LHFPL6: variants seen among roughly 807,000 people sequenced by gnomAD.
The protein encoded by LHFPL6 is LHFPL tetraspan subfamily member 6 protein.
A neutral mutation model predicts 20.6 loss-of-function variants in LHFPL6; 9 were observed. The ratio of observed to expected loss-of-function variants is 0.44; its 90% CI spans 0.26 to 0.76. LHFPL6 has a LOEUF of 0.76. LHFPL6 is among the 30% of genes least tolerant of loss of function. LHFPL6 has a pLI of 0.20. For synonymous variants in LHFPL6, 105 were observed against 98.7 expected, an observed-to-expected ratio of 1.06 and a Z score of -0.38; for missense variants, 218 against 253.5, an observed-to-expected ratio of 0.86 and a Z score of 0.95.
At chr13:39,457,495 G>A (rs1872598117) in intron 2 of LHFPL6, among the ~76,000 whole-genome samples, 1 of 152,208 alleles carries the variant, frequency 6.6e-6, no homozygotes, top group Non-Finnish European at 1.5e-5. Flanking sequence ...TGGAAAGGAT[G>A]TGGAGCAAGT....
chr13:39,558,035 G>A lies in LHFPL6; in HGVS notation c.385+42797C>T, dbSNP rs532148636. Among the ~76,000 whole-genome samples, 23 of 152,246 alleles carry A rather than the reference G, an allele frequency of 1.5e-4. 1 individual carries two copies. The highest frequency in any genetic ancestry group is 2.1e-4 in the South Asian group (1 of 4,820). ...AGCAGATGCTGGCACCATGCTTTCCGTACGGCCTGCAGAACAATGAGCCAA... is the reference window on the plus strand; with the variant it reads ...AGCAGATGCTGGCACCATGCTTTCCATACGGCCTGCAGAACAATGAGCCAA... On this transcript the variant is annotated intron_variant, in intron 2 of 3. Coordinates refer to ENST00000379589, the MANE Select transcript of LHFPL6 (RefSeq NM_005780.3).
rs959056594 is a variant in LHFPL6 at position 39,595,069 on chromosome 13, TAACA to T, written c.385+5759_385+5762del. On this transcript the variant is annotated intron_variant, in intron 2 of 3. Coordinates refer to ENST00000379589, the MANE Select transcript of LHFPL6 (RefSeq NM_005780.3). ...CCAACATGGCACATGTATACATAGGTAACAAACCTGCACGTTGTGCACATGTACC... is the reference window on the plus strand; with the variant it reads ...CCAACATGGCACATGTATACATAGGTAACCTGCACGTTGTGCACATGTACC... 2.2e-4 allele frequency among the ~76,000 whole-genome samples: 34 copies of T among 152,170 alleles called. No individual in the cohort carries two copies. In the Middle Eastern group the frequency reaches 0.014, roughly 61 times the overall value.
chr13:39,492,762 C>A (rs111974251), intron 2 of LHFPL6, among the ~76,000 whole-genome samples: 3,897 of 152,156 alleles, frequency 0.026, 156 homozygotes, highest in African/African-American at 0.089. Flanking sequence ...CTTACCTCAA[C>A]CTCTGCCTCC....
chr13:39,429,516 A>G (rs1342667797), intron 2 of LHFPL6, among the ~76,000 whole-genome samples: 1 of 152,044 alleles, frequency 6.6e-6, no homozygotes, highest in Non-Finnish European at 1.5e-5. Flanking sequence ...TGCATTTCTT[A>G]TAGGCAACAT....
intron 2 of LHFPL6, among the ~76,000 whole-genome samples, chr13:39,487,675 G>C (rs1219950743): frequency 1.3e-5 from 2 of 152,312 alleles, no homozygotes; most frequent in East Asian, 3.9e-4. Flanking sequence ...AGTGCATTCA[G>C]GTTATTTTGT....
intron 2 of LHFPL6, among the ~76,000 whole-genome samples, chr13:39,539,456 C>T (rs188877854): frequency 1.3e-5 from 2 of 152,184 alleles, no homozygotes; most frequent in South Asian, 2.1e-4. Context: ...CAGCTTTTGA[C>T]GATAAGTGGA....
chr13:39,532,391 G>T (rs953673815), intron 2 of LHFPL6, among the ~76,000 whole-genome samples: 1 of 152,092 alleles, frequency 6.6e-6, no homozygotes, highest in Non-Finnish European at 1.5e-5. Context: ...ACTTATTTTT[G>T]TGGCTGTATC....
At chr13:39,494,856 C>T (rs762611225) in intron 2 of LHFPL6, among the ~76,000 whole-genome samples, 14 of 152,172 alleles carry the variant, frequency 9.2e-5, no homozygotes, top group Non-Finnish European at 2.1e-4. Context: ...TATGGGCATT[C>T]CTTTTCAAAT....
intron 2 of LHFPL6, among the ~76,000 whole-genome samples, chr13:39,453,857 G>T (rs941443972): frequency 6.6e-6 from 1 of 152,210 alleles, no homozygotes; most frequent in African/African-American, 2.4e-5. Flanking sequence ...TTAAGGAAAA[G>T]AAGAATCTAA....
intron 2 of LHFPL6, among the ~76,000 whole-genome samples, chr13:39,387,547 C>CAAA (rs141082421): frequency 4.2e-4 from 37 of 87,932 alleles, no homozygotes; most frequent in Admixed American, 7.6e-4. Context: ...GACTGTCTCA[C>CAAA]AAAAAAAAAA....
At position 39,472,187 on chromosome 13, in the gene LHFPL6, A is replaced by G. The variant is rs183711559; in HGVS notation, c.386-93661T>C. Among the ~76,000 whole-genome samples, 352 of 152,308 alleles carry G rather than the reference A, an allele frequency of 2.3e-3. 2 individuals are homozygous for G. Among genetic ancestry groups the G allele is most frequent in the Non-Finnish European group, 3.7e-3 (251 of 68,032 alleles). On this transcript the variant is annotated intron_variant, in intron 2 of 3. Coordinates refer to ENST00000379589, the MANE Select transcript of LHFPL6 (RefSeq NM_005780.3). ...GCCTTCTCCTTGTGGCTGAGTGTGC[A>G]TATCATTTCCCAAATATATACTACC...
At chr13:39,347,859 A>G (rs890990058) in intron 3 of LHFPL6, among the ~76,000 whole-genome samples, 2 of 152,238 alleles carry the variant, frequency 1.3e-5, no homozygotes, top group African/African-American at 4.8e-5. Context: ...CACTGGGCTC[A>G]TAACACAGAA....
chr13:39,410,921 C>A (rs538677432), intron 2 of LHFPL6, among the ~76,000 whole-genome samples: 1 of 152,140 alleles, frequency 6.6e-6, no homozygotes, highest in African/African-American at 2.4e-5. Flanking sequence ...GGCTTACGGA[C>A]AACATTCCAT....
At position 39,548,999 on chromosome 13, in the gene LHFPL6, T is replaced by G. The variant is rs552051113; in HGVS notation, c.385+51833A>C. Among the ~76,000 whole-genome samples, 5 of 152,268 alleles carry G rather than the reference T, an allele frequency of 3.3e-5. No homozygotes were observed. The South Asian group carries it at 1.0e-3, about 32-fold the overall frequency. ...ACAAGTTACAGACTGAGAAAATATT[T>G]GCAAAAGGCATGTCTTATCAAGTAA... On this transcript the variant is annotated intron_variant, in intron 2 of 3. Transcript: ENST00000379589.
At chr13:39,580,910 T>C (rs1872262408) in intron 2 of LHFPL6, among the ~76,000 whole-genome samples, 1 of 152,186 alleles carries the variant, frequency 6.6e-6, no homozygotes, top group Non-Finnish European at 1.5e-5. Context: ...CGACAACACA[T>C]GGCCATAGAG....
chr13:39,348,386 C>T (rs1869466725), intron 3 of LHFPL6, among the ~76,000 whole-genome samples: 1 of 152,152 alleles, frequency 6.6e-6, no homozygotes, highest in African/African-American at 2.4e-5. Flanking sequence ...CCACAGCCAG[C>T]GATGTACTTG....
intron 3 of LHFPL6, among the ~76,000 whole-genome samples, chr13:39,350,668 C>T (rs1869537589): frequency 6.6e-6 from 1 of 152,172 alleles, no homozygotes; most frequent in African/African-American, 2.4e-5. Flanking sequence ...TTTTGCTCTC[C>T]GTAATGCTCC....
At chr13:39,450,911 A>G (rs1872427181) in intron 2 of LHFPL6, among the ~76,000 whole-genome samples, 1 of 152,214 alleles carries the variant, frequency 6.6e-6, no homozygotes, top group Admixed American at 6.5e-5. Flanking sequence ...AAATGTGATT[A>G]ATGTCACAAT....
intron 2 of LHFPL6, among the ~76,000 whole-genome samples, chr13:39,562,625 C>CATAT (rs1432378212): frequency 1.1e-5 from 1 of 92,872 alleles, no homozygotes; most frequent in African/African-American, 4.6e-5. Context: ...CACATATATA[C>CATAT]ACACATATAT....
Sources: gnomAD v4.1 joint callset for allele counts (sites outside exome capture counted in the v4.1 genomes callset) on GRCh38, gnomAD v4.1.1 for gene constraint, MANE v1.5 for transcripts, NCBI Gene and HGNC (gene_info 2026-07-23, HGNC 2026-07-21) for gene names.